Variants in THSD7A observed in about 807,000 individuals in gnomAD.
THSD7A encodes the protein thrombospondin type 1 domain containing 7A, also known as thrombospondin type-1 domain-containing protein 7A.
In THSD7A, 96 loss-of-function variants were observed where a neutral mutation model predicts 231.3. That is an observed-to-expected ratio of 0.41 (90% CI 0.35 to 0.49). The LOEUF (loss-of-function observed/expected upper bound fraction) is 0.49, where lower values mean the gene tolerates loss of function less well. Among genes scored for constraint, THSD7A ranks in the 20% least tolerant of loss-of-function variants. The pLI is 0.05. For synonymous variants in THSD7A, 940 were observed against 743.3 expected (o/e 1.26, Z -4.30); for missense variants, 2,290 against 2,070.2 (o/e 1.11, Z -2.06).
intron 1 of THSD7A, among the ~76,000 whole-genome samples, chr7:11,813,538 G>A (rs1784591235): frequency 6.6e-6 from 1 of 151,762 alleles, no homozygotes; most frequent in Admixed American, 6.6e-5. Context: ...ATGGTGAAAC[G>A]CTGTCTCTAC....
At chr7:11,533,996 T>C (rs1198272756) in intron 6 of THSD7A, among the ~76,000 whole-genome samples, 1 of 152,184 alleles carries the variant, frequency 6.6e-6, no homozygotes, top group Non-Finnish European at 1.5e-5. Flanking sequence ...TTGTATGTTG[T>C]ATATTTGAAG....
intron 6 of THSD7A, among the ~76,000 whole-genome samples, chr7:11,538,607 G>A (rs6979125): frequency 0.24 from 35,949 of 152,042 alleles, 4,386 homozygotes; most frequent in Middle Eastern, 0.37. Flanking sequence ...AGGTTCCTGC[G>A]TTTGTGTTCA....
chr7:11,663,192 CTTTAA>C (rs1384662642), intron 1 of THSD7A, among the ~76,000 whole-genome samples: 1 of 151,138 alleles, frequency 6.6e-6, no homozygotes, highest in African/African-American at 2.4e-5. Flanking sequence ...GGAGATTCTT[CTTTAA>C]TTTATTCTTC....
chr7:11,603,929 G>A (rs1780645020), intron 2 of THSD7A, among the ~76,000 whole-genome samples: 3 of 151,104 alleles, frequency 2.0e-5, no homozygotes, highest in Admixed American at 6.6e-5. Context: ...CCTAATGCTA[G>A]ATGACGAGTT....
At chr7:11,627,775 G>C (rs1244612220) in intron 2 of THSD7A, among the ~76,000 whole-genome samples, 2 of 152,066 alleles carry the variant, frequency 1.3e-5, no homozygotes, top group Non-Finnish European at 2.9e-5. Flanking sequence ...CTCAGTGCTG[G>C]TTTAGTGAAG....
intron 6 of THSD7A, among the ~76,000 whole-genome samples, chr7:11,525,859 T>C (rs922781067): frequency 6.6e-6 from 1 of 152,170 alleles, no homozygotes; most frequent in African/African-American, 2.4e-5. Flanking sequence ...CATATGGATA[T>C]ACATGTCCAC....
chr7:11,632,472 A>G lies in THSD7A; in HGVS notation c.1022+3658T>C, dbSNP rs956967684. Among the ~76,000 whole-genome samples, 10 of 152,122 alleles carry G rather than the reference A, an allele frequency of 6.6e-5. No individual in the cohort carries two copies. The highest frequency in any genetic ancestry group is 2.4e-4 in the African/African-American group (10 of 41,442). On this transcript the variant is annotated intron_variant, in intron 2 of 27. Transcript: ENST00000423059. This position sits in a 1 kb window ranked among gnomAD's most constrained non-coding sequence, Gnocchi z 4.1. ...AACCTTATTGATTTTTTTATTGTTT[A>G]TATTTTCAATTGATTAGCTGGAGTA...
At position 11,678,218 on chromosome 7, in the gene THSD7A, A is replaced by G. The variant is rs1179571345; in HGVS notation, c.191-41257T>C. On this transcript the variant is annotated intron_variant, in intron 1 of 27. Transcript: ENST00000423059. ...CGGTGTCTAGAGGAAAATTTATAGC[A>G]CTAAATGCCCATAGGAGAAAGCAGG... Among the ~76,000 whole-genome samples the G allele has an allele frequency of 2.6e-5, 4 of 152,208 alleles. No individual in the cohort carries two copies. In the East Asian group the frequency reaches 7.7e-4, roughly 29 times the overall value.
At chr7:11,536,289 C>T (rs1788912372) in intron 6 of THSD7A, among the ~76,000 whole-genome samples, 1 of 152,114 alleles carries the variant, frequency 6.6e-6, no homozygotes, top group South Asian at 2.1e-4. Context: ...ATTTATATTC[C>T]TTACCACATA....
chr7:11,582,115 T>A (rs916988), intron 4 of THSD7A, among the ~76,000 whole-genome samples: 22,738 of 151,986 alleles, frequency 0.15, 1,877 homozygotes, highest in East Asian at 0.23. Flanking sequence ...ATAGTCCGTG[T>A]AAAAAAATCG....
chr7:11,644,215 A>G (rs1782198851), intron 1 of THSD7A, among the ~76,000 whole-genome samples: 2 of 151,960 alleles, frequency 1.3e-5, no homozygotes, highest in South Asian at 4.1e-4. Context: ...AAAGGATTTT[A>G]TTGCCATAGG....
chr7:11,390,771 G>T (rs1190149276), intron 23 of THSD7A, among the ~76,000 whole-genome samples: 1 of 152,220 alleles, frequency 6.6e-6, no homozygotes, highest in African/African-American at 2.4e-5. Context: ...TTCGGATGGG[G>T]TCTCTGAGTG....
intron 6 of THSD7A, among the ~76,000 whole-genome samples, chr7:11,518,598 A>AACACACAC (rs138134072): frequency 0.061 from 9,173 of 150,084 alleles, 334 homozygotes; most frequent in East Asian, 0.077. Context: ...ATAAAATAGA[A>AACACACAC]ACACACACAC....
At chr7:11,465,014 C>A (rs1185277652) in intron 9 of THSD7A, among the ~76,000 whole-genome samples, 2 of 152,138 alleles carry the variant, frequency 1.3e-5, no homozygotes, top group Admixed American at 1.3e-4. Context: ...CTTGAGCTGG[C>A]AAACTGGGAA....
intron 22 of THSD7A, among the ~76,000 whole-genome samples, chr7:11,404,642 T>C (rs1391815788): frequency 2.0e-5 from 3 of 152,200 alleles, no homozygotes; most frequent in Admixed American, 6.5e-5. Context: ...ATCAGACTAG[T>C]TTCAGCAGCA....
At position 11,601,997 on chromosome 7, in the gene THSD7A, T is replaced by C. The variant is rs528497861; in HGVS notation, c.1023-8495A>G. 1.3e-3 allele frequency among the ~76,000 whole-genome samples: 202 copies of C among 152,248 alleles called. 1 individual carries two copies. Among genetic ancestry groups the C allele is most frequent in the African/African-American group, 4.6e-3 (193 of 41,546 alleles). Reference sequence around the variant, plus strand: ...TCTCACAGTTTAAACTGGCTATAAATCTGTTTGTTAGAGCAACTGCTTTTT... The same window carrying C: ...TCTCACAGTTTAAACTGGCTATAAACCTGTTTGTTAGAGCAACTGCTTTTT... On this transcript the variant is annotated intron_variant, in intron 2 of 27. Coordinates refer to ENST00000423059, the MANE Select transcript of THSD7A (RefSeq NM_015204.3).
intron 1 of THSD7A, among the ~76,000 whole-genome samples, chr7:11,706,945 C>A (rs1780789283): frequency 6.6e-6 from 1 of 150,600 alleles, no homozygotes; most frequent in Non-Finnish European, 1.5e-5. Context: ...TGTATTATCA[C>A]TGATGTAATT....
At chr7:11,807,829 T>G (rs577666154) in intron 1 of THSD7A, among the ~76,000 whole-genome samples, 2 of 152,302 alleles carry the variant, frequency 1.3e-5, no homozygotes, top group African/African-American at 4.8e-5. Flanking sequence ...TCACTTGTTT[T>G]TGCCAAAAAT....
intron 4 of THSD7A, among the ~76,000 whole-genome samples, chr7:11,555,619 CGT>C (rs1789812034): frequency 6.6e-6 from 1 of 151,746 alleles, no homozygotes; most frequent in Admixed American, 6.6e-5. Flanking sequence ...TGCTGATTTT[CGT>C]CCTAATTATT....
Sources: gnomAD v4.1 joint callset for allele counts (sites outside exome capture counted in the v4.1 genomes callset) on GRCh38, gnomAD v4.1.1 for gene constraint, Gnocchi (gnomAD v3.1) non-coding constraint, MANE v1.5 for transcripts, NCBI Gene and HGNC (gene_info 2026-07-23, HGNC 2026-07-21) for gene names.